The following PRKCZ variants were observed in gnomAD, a reference collection of about 807,000 sequenced individuals.
PRKCZ encodes protein kinase C zeta type.
Under a neutral mutation model 79.5 loss-of-function variants are expected in PRKCZ, and 33 were observed. The observed-to-expected ratio is 0.41, with a 90% CI of 0.31 to 0.55. The LOEUF (loss-of-function observed/expected upper bound fraction) is 0.55. Ranked by LOEUF, PRKCZ falls within the 20% of genes least tolerant of loss-of-function variation. The pLI, the probability that PRKCZ is intolerant of heterozygous loss-of-function variation, is 0.19. For missense variants in PRKCZ, 578 were observed against 813.5 expected (o/e 0.71, Z 3.52); for synonymous variants, 342 against 320.9 (o/e 1.07, Z -0.70).
At chr1:2,077,169 G>A (rs1260092542) in intron 4 of PRKCZ, among the ~76,000 whole-genome samples, 2 of 152,190 alleles carry the variant, frequency 1.3e-5, no homozygotes, top group African/African-American at 2.4e-5. Flanking sequence ...GCTTCGTTTC[G>A]TCCACGCTCA....
At position 2,172,357 on chromosome 1, in the gene PRKCZ, C is replaced by T. The variant is rs754133523; in HGVS notation, c.1254C>T (p.Ile418=). ...CTTTCTGCGGAACCCCGAATTACATCGCCCCCGAAATCCTGCGGGGAGAGG... is the reference window on the plus strand; with the variant it reads ...CTTTCTGCGGAACCCCGAATTACATTGCCCCCGAAATCCTGCGGGGAGAGG... ...TSTFCGTPNY[I]APEILRGEEY... The change falls in exon 13 of 18, where the codon ATC becomes ATT. Residue 418 remains isoleucine, a synonymous_variant. Coordinates refer to ENST00000378567, the MANE Select transcript of PRKCZ (RefSeq NM_002744.6). This position sits in a 1 kb window ranked among gnomAD's most constrained non-coding sequence, Gnocchi z 7.8. 1.7e-5 allele frequency: 27 copies of T among 1,613,310 alleles called. No individual in the cohort carries two copies. Among genetic ancestry groups the T allele is most frequent in the African/African-American group, 2.7e-5 (2 of 74,922 alleles).
intron 9 of PRKCZ, among the ~76,000 whole-genome samples, chr1:2,155,614 GTGA>G (rs1204621314): frequency 6.6e-6 from 1 of 150,526 alleles, no homozygotes; most frequent in South Asian, 2.1e-4. Context: ...GACAGTGACG[GTGA>G]TGATGACAGT....
At position 2,174,697 on chromosome 1, in the gene PRKCZ, G is replaced by T. The variant is rs1371654463; in HGVS notation, c.1406-57G>T. 6.4e-7 allele frequency: 1 copy of T among 1,554,436 alleles called. No individual in the cohort carries two copies. Among genetic ancestry groups the T allele is most frequent in the East Asian group, 2.2e-5 (1 of 44,540 alleles). On this transcript the variant is annotated intron_variant, in intron 14 of 17. Coordinates refer to ENST00000378567, the MANE Select transcript of PRKCZ (RefSeq NM_002744.6). This position sits in a 1 kb window ranked among gnomAD's most constrained non-coding sequence, Gnocchi z 6.2. ...CTTGCTCAGAGTCAGAGTCTGGGCG[G>T]CACTGGGCAAATGGCACACAACACA...
At chr1:2,095,064 A>G (rs1288897008) in intron 4 of PRKCZ, among the ~76,000 whole-genome samples, 1 of 152,142 alleles carries the variant, frequency 6.6e-6, no homozygotes, top group Non-Finnish European at 1.5e-5. Context: ...CAGGCCCCGT[A>G]GCAGGGTGGT....
intron 4 of PRKCZ, among the ~76,000 whole-genome samples, chr1:2,132,589 G>T (rs1387041515): frequency 6.6e-6 from 1 of 152,234 alleles, no homozygotes; most frequent in African/African-American, 2.4e-5. Flanking sequence ...GGGCTGAGAT[G>T]CTTGTGTCTC....
Position 2,168,142 on chromosome 1 carries a change from G to A in PRKCZ, c.975-1376G>A, listed in dbSNP as rs934358415. ...ACCGGGGATTGGCAAACTTTTTCTT[G>A]AAGGGCCCAAGAGTAGACATTTTTG... On this transcript the variant is annotated intron_variant, in intron 10 of 17. Coordinates refer to ENST00000378567, the MANE Select transcript of PRKCZ (RefSeq NM_002744.6). This position sits in a 1 kb window ranked among gnomAD's most constrained non-coding sequence, Gnocchi z 4.7. Among the ~76,000 whole-genome samples the A allele has an allele frequency of 6.6e-6, 1 of 152,124 alleles. No individual in the cohort carries two copies. Among genetic ancestry groups the A allele is most frequent in the Admixed American group, 6.5e-5 (1 of 15,284 alleles).
intron 4 of PRKCZ, among the ~76,000 whole-genome samples, chr1:2,121,668 G>GGCTGTAGTTAGCGTCA: frequency 1.1e-4 from 1 of 9,266 alleles, no homozygotes; most frequent in African/African-American, 4.6e-4. Context: ...GGTTAGGGTC[G>GGCTGTAGTTAGCGTCA]TGGTGGTGGT....
In PRKCZ at chr1:2,098,546, T is replaced by C. The variant is rs544813930; in HGVS notation, c.335-36716T>C. 4 of 134,432 alleles carry C rather than the reference T, an allele frequency of 3.0e-5. No homozygotes were observed. The South Asian group carries it at 7.4e-4, about 25-fold the overall frequency. The allele number at this position is 134,432 out of a possible 1,614,324, so 8.3% of individuals were successfully genotyped here. On this transcript the variant is annotated intron_variant, in intron 4 of 17. Transcript: ENST00000378567. ...CGTGAAAGTGAAACCTGGACCATGA[T>C]GTGAGGCTGGTGAGAGGGTGCCCTC... is the stretch of plus-strand genomic sequence containing the variant.
intron 4 of PRKCZ, among the ~76,000 whole-genome samples, chr1:2,070,356 G>A (rs950929168): frequency 6.6e-6 from 1 of 152,166 alleles, no homozygotes; most frequent in Non-Finnish European, 1.5e-5. Context: ...AGCCTGGAAC[G>A]CTTGGGTCAG....
Position 2,102,617 on chromosome 1 carries a change from C to T in PRKCZ, c.335-32645C>T, listed in dbSNP as rs1416709712. ...AAAGTGCTAGGATTACAGGTGTGAG[C>T]CACCGTGCCCGGCCCTCGTTTTTGT... On this transcript the variant is annotated intron_variant, in intron 4 of 17. Transcript: ENST00000378567. 3.3e-5 allele frequency among the ~76,000 whole-genome samples: 5 copies of T among 152,170 alleles called. No homozygotes were observed. The South Asian group carries it at 6.2e-4, about 19-fold the overall frequency.
At chr1:2,080,644 C>T (rs1041822590) in intron 4 of PRKCZ, among the ~76,000 whole-genome samples, 3 of 152,170 alleles carry the variant, frequency 2.0e-5, no homozygotes, top group Non-Finnish European at 2.9e-5. Context: ...TCCTGGTCAG[C>T]GTAATGCGTG....
At chr1:2,110,739 G>A (rs1159712633) in intron 4 of PRKCZ, among the ~76,000 whole-genome samples, 1 of 147,904 alleles carries the variant, frequency 6.8e-6, no homozygotes, top group East Asian at 2.1e-4. Flanking sequence ...GGTGGGCTGG[G>A]TCCTGAGAGA....
chr1:2,135,094 G>T, intron 4 of PRKCZ, 168 bp from the exon 5 acceptor site: 1 of 563,478 alleles, frequency 1.8e-6, no homozygotes, highest in East Asian at 3.1e-5. Flanking sequence ...CATGTGAGGA[G>T]GGGCAGAGAG....
chr1:2,067,044 G>A (rs886519629), intron 4 of PRKCZ, among the ~76,000 whole-genome samples: 1 of 152,232 alleles, frequency 6.6e-6, no homozygotes, highest in Non-Finnish European at 1.5e-5. Flanking sequence ...TTGGTTGAGT[G>A]TGTAGTGTTA....
intron 15 of PRKCZ, among the ~76,000 whole-genome samples, 184 bp from the exon 16 acceptor site, chr1:2,175,040 G>A (rs945496947): frequency 6.6e-6 from 1 of 152,156 alleles, no homozygotes; most frequent in Non-Finnish European, 1.5e-5. Flanking sequence ...TGTGCCCAAG[G>A]AAAATGGAAC....
chr1:2,159,628 G>A (rs1681823273), intron 10 of PRKCZ, among the ~76,000 whole-genome samples: 1 of 152,182 alleles, frequency 6.6e-6, no homozygotes, highest in Non-Finnish European at 1.5e-5. Context: ...TCTTCTGGCC[G>A]GCCATGTTCG....
chr1:2,053,169 C>T (rs1359845656), intron 1 of PRKCZ, among the ~76,000 whole-genome samples: 1 of 150,426 alleles, frequency 6.6e-6, no homozygotes. Context: ...GGTGTGGTCT[C>T]GGCCCACTGT....
In PRKCZ at chr1:2,091,101, G is replaced by A. The variant is rs1021885013; in HGVS notation, c.334+31510G>A. On this transcript the variant is annotated intron_variant, in intron 4 of 17. Coordinates refer to ENST00000378567, the MANE Select transcript of PRKCZ (RefSeq NM_002744.6). ...GGCTGGACTGCAGTGGTGCAATCTC[G>A]GTTCACTGCGACCTCCGCCTCCTGG... Among the ~76,000 whole-genome samples the A allele has an allele frequency of 1.1e-4, 17 of 152,138 alleles. No individual in the cohort carries two copies. In the East Asian group the frequency reaches 2.1e-3, roughly 19 times the overall value.
chr1:2,183,385 C>T (rs1312405171), intron 16 of PRKCZ, among the ~76,000 whole-genome samples: 1 of 151,610 alleles, frequency 6.6e-6, no homozygotes, highest in East Asian at 1.9e-4. Context: ...CAGAGCAAGA[C>T]TCCATCTCAA....
Sources: allele counts gnomAD v4.1 joint callset (sites outside exome capture counted in the v4.1 genomes callset), GRCh38; gene constraint gnomAD v4.1.1; non-coding constraint Gnocchi (gnomAD v3.1); transcripts MANE v1.5; gene names NCBI Gene and HGNC (gene_info 2026-07-23, HGNC 2026-07-21).